PTCH2: variants seen among roughly 807,000 people sequenced by gnomAD.
The protein encoded by PTCH2 is patched 2.
PTCH2 carries 96 observed loss-of-function variants against 117.9 expected under a neutral mutation model. The ratio of observed to expected loss-of-function variants is 0.81; its 90% confidence interval spans 0.69 to 0.96. PTCH2 has a LOEUF of 0.96. Ranked by LOEUF, PTCH2 falls within the 50% of genes least tolerant of loss-of-function variation. The probability of loss-of-function intolerance (pLI) is 0.00; values close to 1 mark genes in which losing one functional copy is unlikely to be tolerated. For synonymous variants in PTCH2, 615 were observed against 660.9 expected, an observed-to-expected ratio of 0.93 and a Z score of 1.06; for missense variants, 1,379 against 1,562.5, an observed-to-expected ratio of 0.88 and a Z score of 1.98.
rs748823173 is a variant in PTCH2 at position 44,827,727 on chromosome 1, G to T, written c.2059-13C>A. 6.2e-7 allele frequency: 1 copy of T among 1,610,958 alleles called. No individual in the cohort carries two copies. The highest frequency in any genetic ancestry group is 1.1e-5 in the South Asian group (1 of 91,084). ...CCAGCACGATGGCCTGCGGGATGTA[G>T]CAACTAAGCTGGAGACCCCAGGGCT... On this transcript the variant is annotated splice_polypyrimidine_tract_variant and intron_variant, in intron 14 of 21. Transcript: ENST00000372192.
At chr1:44,840,893 C>T (rs1045942378) in intron 2 of PTCH2, among the ~76,000 whole-genome samples, 1 of 150,892 alleles carries the variant, frequency 6.6e-6, no homozygotes, top group Non-Finnish European at 1.5e-5. Context: ...GATTCTGTCT[C>T]CAAAACAAAA....
At chr1:44,830,587 C>CAAAAA (rs768951349) in intron 6 of PTCH2, among the ~76,000 whole-genome samples, 37 of 65,144 alleles carry the variant, frequency 5.7e-4, no homozygotes, top group African/African-American at 1.5e-3. Context: ...GAGTGAGACT[C>CAAAAA]AAAAAAAAAA....
chr1:44,826,978 G>A lies in PTCH2; in HGVS notation c.2619C>T (p.Ala873=). 6.2e-7 allele frequency: 1 copy of A among 1,614,082 alleles called. No individual in the cohort carries two copies. Among genetic ancestry groups the A allele is most frequent in the South Asian group, 1.1e-5 (1 of 91,088 alleles). Residue 873 remains alanine (A), a synonymous_variant, in exon 17 of 22, where the codon GCC becomes GCT. Transcript: ENST00000372192. The surrounding 1 kb of genome is among the most constrained non-coding windows in gnomAD (Gnocchi z 5.1). The part of the protein sequence containing the change: ...WVSSDPLGLA[A]SQANFYPPPP... ...GTGGGGGGTAGAAGTTGGCCTGTGA[G>A]GCTGCCAGACCCAGGGGGTCACTGC...
rs1321163231 is a variant in PTCH2 at position 44,822,119 on chromosome 1, C to G, written c.*296G>C. The G allele has an allele frequency of 7.2e-7, 1 of 1,394,774 alleles. No individual in the cohort carries two copies. Among genetic ancestry groups the G allele is most frequent in the Middle Eastern group, 2.7e-4 (1 of 3,714 alleles). The allele number at this position is 1,394,774 out of a possible 1,614,324, so 86.4% of individuals were successfully genotyped here. A position where few individuals can be genotyped will look rare whatever the true frequency, so the allele number is the denominator to read the frequency against. On this transcript the variant is annotated 3_prime_UTR_variant, in exon 22 of 22. Transcript: ENST00000372192. ...GAAGGGTGCTGGAGGGTCCCTCAGG[C>G]TTGGTCAGCTGGGCAGGCAGTGGTG...
chr1:44,830,897 G>GGGTGCAGACAGGGCCGCCCCACGTA lies in PTCH2; in HGVS notation c.739_763dup (p.Pro255LeufsTer10). On this transcript the variant is annotated frameshift_variant, in exon 6 of 22. Transcript: ENST00000372192. LOFTEE classifies it high-confidence loss of function. ...ACTAGGTGGGCAGTGGAGGTCATCA[G>GGGTGCAGACAGGGCCGCCCCACGTA]GGTGCAGACAGGGCCGCCCCACGTA... The GGGTGCAGACAGGGCCGCCCCACGTA allele has an allele frequency of 6.3e-7, 1 of 1,578,424 alleles. No individual in the cohort carries two copies. The highest frequency in any genetic ancestry group is 1.7e-5 in the Admixed American group (1 of 58,212).
Position 44,836,089 on chromosome 1 carries a change from A to G in PTCH2, c.266-3748T>C, listed in dbSNP as rs372588366. On this transcript the variant is annotated intron_variant, in intron 2 of 21. Coordinates refer to ENST00000372192, the MANE Select transcript of PTCH2 (RefSeq NM_003738.5). ...GCTGTCAGCACCTTCCTCCTTTCTA[A>G]CAGACCCTGATTTCCGTGGCCGTCA... Among the ~76,000 whole-genome samples the G allele has an allele frequency of 7.0e-4, 106 of 152,282 alleles. 1 individual carries two copies. Among genetic ancestry groups the G allele is most frequent in the African/African-American group, 2.5e-3 (103 of 41,540 alleles).
At position 44,829,450 on chromosome 1, in the gene PTCH2, C is replaced by A. The variant is rs1005780221; in HGVS notation, c.1167G>T (p.Ala389=). 1 of 1,614,100 alleles carries A rather than the reference C, an allele frequency of 6.2e-7. No individual in the cohort carries two copies. Among genetic ancestry groups the A allele is most frequent in the Non-Finnish European group, 8.5e-7 (1 of 1,180,046 alleles). The change falls in exon 9 of 22, where the codon GCG becomes GCT. Residue 389 remains alanine (A), a synonymous_variant. Transcript: ENST00000372192. ...SSTTLDDILH[A]FSEVSAARVV... is the part of the protein sequence containing the mutation. ...CACGGGCAGCACTGACTTCAGAGAA[C>A]GCATGCAGGATGTCATCCAGGGTGG...
In PTCH2 at chr1:44,831,927, C is replaced by T; in HGVS notation, c.525+48G>A. 1 of 1,581,138 alleles carries T rather than the reference C, an allele frequency of 6.3e-7. No homozygotes were observed. Among genetic ancestry groups the T allele is most frequent in the Non-Finnish European group, 8.7e-7 (1 of 1,150,080 alleles). ...GGGCTTGCTCGGTCTCTGAGTCCTCCCACGCTACAGAAAAAGTTCTGCCTC... is the reference window on the plus strand; with the variant it reads ...GGGCTTGCTCGGTCTCTGAGTCCTCTCACGCTACAGAAAAAGTTCTGCCTC... On this transcript the variant is annotated intron_variant, in intron 4 of 21. Transcript: ENST00000372192. This position sits in a 1 kb window ranked among gnomAD's most constrained non-coding sequence, Gnocchi z 4.3.
chr1:44,836,569 G>A (rs959237649), intron 2 of PTCH2, among the ~76,000 whole-genome samples: 8 of 152,086 alleles, frequency 5.3e-5, no homozygotes, highest in African/African-American at 1.7e-4. Context: ...TTAGCCAGGC[G>A]TGGTGCGCAC....
rs1349968540 is a variant in PTCH2, at chr1:44,823,470, G to A, written c.3115-85C>T. 6.3e-5 allele frequency: 100 copies of A among 1,587,634 alleles called. No homozygotes were observed. The highest frequency in any genetic ancestry group is 8.3e-5 in the Non-Finnish European group (96 of 1,159,916). On this transcript the variant is annotated intron_variant, in intron 19 of 21. Transcript: ENST00000372192. This position sits in a 1 kb window ranked among gnomAD's most constrained non-coding sequence, Gnocchi z 5.1. ...GTCCCGAGCTGTATCTGTCTTCAGA[G>A]CTCAACGATACCTTGGCCCACCAAA...
In PTCH2 at chr1:44,826,821, G is replaced by C. The variant is rs924763905; in HGVS notation, c.2696-53C>G. The C allele has an allele frequency of 6.8e-6, 11 of 1,608,836 alleles. No individual in the cohort carries two copies. The highest frequency in any genetic ancestry group is 9.4e-6 in the Non-Finnish European group (11 of 1,176,348). ...GGGAGAGGGACAGGGCGGTGAGCAC[G>C]GGGCAGAGTGGGCAGGGCCTCAGGC... is the stretch of plus-strand genomic sequence containing the variant. On this transcript the variant is annotated intron_variant, in intron 17 of 21. Transcript: ENST00000372192. The surrounding 1 kb of genome is among the most constrained non-coding windows in gnomAD (Gnocchi z 5.1).
chr1:44,843,100 G>T lies in PTCH2; in HGVS notation c.-168C>A. The T allele has an allele frequency of 5.0e-6, 7 of 1,390,848 alleles. No homozygotes were observed. The South Asian group carries it at 1.1e-4, about 23-fold the overall frequency. 86.2% of individuals were successfully genotyped at this position (1,390,848 alleles called of 1,614,324 possible). A position where few individuals can be genotyped will look rare whatever the true frequency, so the allele number is the denominator to read the frequency against. Reference sequence around the variant, plus strand: ...GGTGTGGGTGTTAAAGCGGCTGGGAGGGAGGAGTGCAGGGAGCTGCGGGTC... The same window carrying T: ...GGTGTGGGTGTTAAAGCGGCTGGGATGGAGGAGTGCAGGGAGCTGCGGGTC... On this transcript the variant is annotated 5_prime_UTR_variant, in exon 1 of 22. Transcript: ENST00000372192.
At chr1:44,830,793 G>A (rs938406532) in intron 6 of PTCH2, 55 bp downstream of exon 6, 5 of 1,488,038 alleles carry the variant, frequency 3.4e-6, no homozygotes, top group Non-Finnish European at 3.6e-6. Context: ...AGGAGTATGA[G>A]GAAGGGAAAG....
In PTCH2 at chr1:44,826,238, G is replaced by A; in HGVS notation, c.3114+12C>T. 6.2e-7 allele frequency: 1 copy of A among 1,613,676 alleles called. No individual in the cohort carries two copies. Among genetic ancestry groups the A allele is most frequent in the Non-Finnish European group, 8.5e-7 (1 of 1,179,864 alleles). On this transcript the variant is annotated intron_variant, in intron 19 of 21. Transcript: ENST00000372192. This position sits in a 1 kb window ranked among gnomAD's most constrained non-coding sequence, Gnocchi z 5.1. ...CAGCTGATTGGTCCCTCCCCGGGGT[G>A]CCCGTGCTCACCAGAGCCACGTGGA...
intron 19 of PTCH2, among the ~76,000 whole-genome samples, chr1:44,824,575 G>A (rs902898327): frequency 1.3e-5 from 2 of 150,876 alleles, no homozygotes; most frequent in African/African-American, 4.9e-5. Context: ...ATGGCTCACT[G>A]CAGCCTCAAA....
Position 44,827,684 on chromosome 1 carries a change from G to GAAGAGCACCA in PTCH2, c.2079_2088dup (p.Leu697TrpfsTer55), listed in dbSNP as rs1653224832. ...GTGGCTCCGTAGAGGCTCAGGCCCA[G>GAAGAGCACCA]AAGAGCACCAAAGAGCACCAGCACG... is the stretch of plus-strand genomic sequence containing the variant. On this transcript the variant is annotated frameshift_variant, in exon 15 of 22. Coordinates refer to ENST00000372192, the MANE Select transcript of PTCH2 (RefSeq NM_003738.5). LOFTEE classifies it high-confidence loss of function. 2 of 1,612,118 alleles carry GAAGAGCACCA rather than the reference G, an allele frequency of 1.2e-6. No individual in the cohort carries two copies. The highest frequency in any genetic ancestry group is 1.6e-4 in the Middle Eastern group (1 of 6,062).
intron 11 of PTCH2, 121 bp downstream of exon 11, chr1:44,828,859 CCT>C (rs1653287610): frequency 4.0e-6 from 5 of 1,251,236 alleles, no homozygotes; most frequent in South Asian, 3.9e-5. Flanking sequence ...TATTATTTCC[CCT>C]GTTTACAGAT....
At chr1:44,838,248 C>G (rs1653772944) in intron 2 of PTCH2, among the ~76,000 whole-genome samples, 1 of 152,158 alleles carries the variant, frequency 6.6e-6, no homozygotes, top group Non-Finnish European at 1.5e-5. Context: ...TAAGGCCATC[C>G]TCTGTCTTCT....
chr1:44,825,205 C>T (rs551397057), intron 19 of PTCH2, among the ~76,000 whole-genome samples: 7 of 152,130 alleles, frequency 4.6e-5, no homozygotes, highest in East Asian at 3.9e-4. Context: ...GGCATGGTCT[C>T]GGCTCATGGC....
Sources: gnomAD v4.1 joint callset for allele counts (sites outside exome capture counted in the v4.1 genomes callset) on GRCh38, gnomAD v4.1.1 for gene constraint, Gnocchi (gnomAD v3.1) non-coding constraint, MANE v1.5 for transcripts, NCBI Gene and HGNC (gene_info 2026-07-23, HGNC 2026-07-21) for gene names.